The following ZNF385C variants were observed in gnomAD, a reference collection of about 807,000 sequenced individuals.
ZNF385C encodes the protein CTD-2132N18.2.
ZNF385C carries 28 observed loss-of-function variants against 35.4 expected under a neutral mutation model. That is an observed-to-expected ratio of 0.79 (90% CI 0.59 to 1.08). ZNF385C has a LOEUF of 1.08. ZNF385C is among the 50% of genes least tolerant of loss of function. The probability of loss-of-function intolerance (pLI) is 0.00; values close to 1 mark genes in which losing one functional copy is unlikely to be tolerated. For missense variants in ZNF385C, 605 were observed against 595.6 expected, an observed-to-expected ratio of 1.02 and a Z score of -0.16; for synonymous variants, 248 against 248.2, an observed-to-expected ratio of 1.00 and a Z score of 0.01.
intron 1 of ZNF385C, among the ~76,000 whole-genome samples, chr17:42,066,932 G>A (rs782771601): frequency 6.6e-6 from 1 of 152,152 alleles, no homozygotes; most frequent in Non-Finnish European, 1.5e-5. Context: ...AGCCAGGCGC[G>A]GTGGTGGGTG....
At chr17:42,080,800 A>G (rs1236125420) in intron 1 of ZNF385C, among the ~76,000 whole-genome samples, 2 of 152,196 alleles carry the variant, frequency 1.3e-5, no homozygotes, top group African/African-American at 4.8e-5. Context: ...TGTGCCCCCC[A>G]GGCCCACTGG....
At chr17:42,084,395 T>C (rs56799409) in intron 1 of ZNF385C, among the ~76,000 whole-genome samples, 15,105 of 151,986 alleles carry the variant, frequency 0.099, 937 homozygotes, top group African/African-American at 0.18. Flanking sequence ...GATTCTGTTT[T>C]GATGAAGTGT....
chr17:42,090,521 G>T (rs2053855536), intron 1 of ZNF385C, among the ~76,000 whole-genome samples: 1 of 151,476 alleles, frequency 6.6e-6, no homozygotes, highest in Non-Finnish European at 1.5e-5. Flanking sequence ...CTGACCCCAA[G>T]TGATCCACCC....
chr17:42,039,687 G>A (rs1461180355), intron 2 of ZNF385C: 2 of 1,232,174 alleles, frequency 1.6e-6, no homozygotes, highest in Non-Finnish European at 2.0e-6. Context: ...TGGATGGGCC[G>A]AGGGAAGGAG....
At chr17:42,079,683 AAAAG>A (rs879967634) in intron 1 of ZNF385C, among the ~76,000 whole-genome samples, 2 of 152,024 alleles carry the variant, frequency 1.3e-5, no homozygotes, top group African/African-American at 2.4e-5. Flanking sequence ...CCCCCCAAAA[AAAAG>A]AAAGAAGGAA....
rs1024140329 is a variant in ZNF385C, at chr17:42,062,927, G to A, written c.130C>T (p.Leu44Phe). 4 of 697,748 alleles carry A rather than the reference G, an allele frequency of 5.7e-6. No homozygotes were observed. The highest frequency in any genetic ancestry group is 5.4e-5 in the East Asian group (2 of 36,838). 43.2% of individuals were successfully genotyped at this position (697,748 alleles called of 1,614,324 possible). A position where few individuals can be genotyped will look rare whatever the true frequency, so the allele number is the denominator to read the frequency against. Residue 44 changes from leucine to phenylalanine, a missense_variant, in exon 2 of 9, where the codon CTC (leucine) becomes TTC (phenylalanine). Leu to Phe is a conservative substitution (Grantham distance 22, BLOSUM62 0). Transcript: ENST00000692273. Reference protein sequence around the residue: ...KRERKRPSYTLCDVCNIQLNS... With the variant: ...KRERKRPSYTFCDVCNIQLNS... ...AGCTGGATGTTGCAGACATCACAGA[G>A]CGTGTACGATGGCCGCTTTCTTTCT...
In ZNF385C at chr17:42,026,700, T is replaced by C. The variant is rs1598175969; in HGVS notation, c.*197A>G. 2 of 632,442 alleles carry C rather than the reference T, an allele frequency of 3.2e-6. No homozygotes were observed. The highest frequency in any genetic ancestry group is 5.5e-5 in the East Asian group (2 of 36,206). 39.2% of individuals were successfully genotyped at this position (632,442 alleles called of 1,614,324 possible). A position where few individuals can be genotyped will look rare whatever the true frequency, so the allele number is the denominator to read the frequency against. ...ATGCAGGCAAGCCTAGGATTAACCC[T>C]GGAAGGCCTGCGAAAGGAGGGTGGG... On this transcript the variant is annotated 3_prime_UTR_variant, in exon 9 of 9. Transcript: ENST00000692273.
chr17:42,026,675 A>G lies in ZNF385C; in HGVS notation c.*222T>C. On this transcript the variant is annotated 3_prime_UTR_variant, in exon 9 of 9. Coordinates refer to ENST00000692273, the MANE Select transcript of ZNF385C (RefSeq NM_001392013.1). ...TCTTTGGGGTCTGTCAGGGTGGGAA[A>G]TGCAGGCAAGCCTAGGATTAACCCT... 1.7e-6 allele frequency: 1 copy of G among 595,004 alleles called. No homozygotes were observed. The highest frequency in any genetic ancestry group is 2.0e-5 in the South Asian group (1 of 50,410). The allele number at this position is 595,004 out of a possible 1,614,324, so 36.9% of individuals were successfully genotyped here.
At chr17:42,082,543 G>A (rs538368665) in intron 1 of ZNF385C, among the ~76,000 whole-genome samples, 1 of 152,310 alleles carries the variant, frequency 6.6e-6, no homozygotes, top group South Asian at 2.1e-4. Context: ...TGCACTCTTG[G>A]CCTTGCCCTA....
chr17:42,087,907 T>C (rs1158245403), intron 1 of ZNF385C, among the ~76,000 whole-genome samples: 1 of 152,238 alleles, frequency 6.6e-6, no homozygotes, highest in African/African-American at 2.4e-5. Flanking sequence ...GAACCCCCAC[T>C]ACCTATATAT....
At chr17:42,067,381 T>C (rs2053563484) in intron 1 of ZNF385C, among the ~76,000 whole-genome samples, 2 of 152,152 alleles carry the variant, frequency 1.3e-5, no homozygotes, top group African/African-American at 2.4e-5. Context: ...GGTGTGGTCA[T>C]AAGTGCTTGG....
intron 1 of ZNF385C, among the ~76,000 whole-genome samples, chr17:42,069,419 G>A (rs2143888966): frequency 6.6e-6 from 1 of 152,304 alleles, no homozygotes; most frequent in South Asian, 2.1e-4. Flanking sequence ...CATCCAGAGA[G>A]GGCTGAATGG....
In ZNF385C at chr17:42,058,052, C is replaced by T. The variant is rs2053408035; in HGVS notation, c.250+4755G>A. 2.0e-5 allele frequency among the ~76,000 whole-genome samples: 3 copies of T among 152,120 alleles called. No homozygotes were observed. The South Asian group carries it at 6.2e-4, about 31-fold the overall frequency. On this transcript the variant is annotated intron_variant, in intron 2 of 8. Coordinates refer to ENST00000692273, the MANE Select transcript of ZNF385C (RefSeq NM_001392013.1). ...GAGGGAGACGAAGTGTGGGTTCCTG[C>T]TGCTTCCTCCTCCTGTGCCCCTCCA...
intron 2 of ZNF385C, among the ~76,000 whole-genome samples, chr17:42,058,917 A>G (rs4796632): frequency 0.78 from 119,369 of 152,168 alleles, 47,467 homozygotes; most frequent in Admixed American, 0.86. Flanking sequence ...TCGGCCTCCC[A>G]AAGTGTTGGG....
intron 1 of ZNF385C, among the ~76,000 whole-genome samples, chr17:42,063,700 T>C (rs2053500700): frequency 6.6e-6 from 1 of 152,086 alleles, no homozygotes; most frequent in African/African-American, 2.4e-5. Context: ...AGGTGGTCAC[T>C]GAGGGAGAGG....
chr17:42,042,075 C>T (rs2053035621), intron 2 of ZNF385C, among the ~76,000 whole-genome samples: 1 of 152,112 alleles, frequency 6.6e-6, no homozygotes, highest in African/African-American at 2.4e-5. Flanking sequence ...GCACAGAAAA[C>T]AGCCCCAAAA....
At chr17:42,055,895 G>A (rs1339164511) in intron 2 of ZNF385C, among the ~76,000 whole-genome samples, 2 of 152,124 alleles carry the variant, frequency 1.3e-5, no homozygotes, top group Non-Finnish European at 2.9e-5. Context: ...ATGCAGAGTA[G>A]GGGAGCCTAG....
Position 42,026,969 on chromosome 17 carries a change from G to A in ZNF385C, c.1440C>T (p.Gly480=), listed in dbSNP as rs141271549. 4,610 of 1,612,028 alleles carry A rather than the reference G, an allele frequency of 2.9e-3. 7 individuals are homozygous for A. Among genetic ancestry groups the A allele is most frequent in the Non-Finnish European group, 3.8e-3 (4,441 of 1,178,870 alleles). The part of the protein sequence containing the change: ...ATTLFPAPIL[G]PALFRTPAGA... Reference sequence around the variant, plus strand: ...CTGCTGGGGTGCGAAACAGAGCTGGGCCCAGGATGGGAGCCGGGAAGAGGG... The same window carrying A: ...CTGCTGGGGTGCGAAACAGAGCTGGACCCAGGATGGGAGCCGGGAAGAGGG... The change falls in exon 9 of 9, where the codon GGC becomes GGT. Residue 480 remains glycine (G), a synonymous_variant. Transcript: ENST00000692273.
rs368149454 is a variant in ZNF385C, at chr17:42,070,214, A to G, written c.-2-7156T>C. ...AAAAAAATTAGCCAGGCGTGGTGGC[A>G]GGTGCCTGTAGTCCCACTACTCAGG... On this transcript the variant is annotated intron_variant, in intron 1 of 8. Coordinates refer to ENST00000692273, the MANE Select transcript of ZNF385C (RefSeq NM_001392013.1). Among the ~76,000 whole-genome samples the G allele has an allele frequency of 6.6e-3, 995 of 151,406 alleles. 8 individuals carry two copies. Among genetic ancestry groups the G allele is most frequent in the Middle Eastern group, 0.032 (9 of 284 alleles).
Sources: gnomAD v4.1 joint callset for allele counts (sites outside exome capture counted in the v4.1 genomes callset) on GRCh38, gnomAD v4.1.1 for gene constraint, MANE v1.5 for transcripts, NCBI Gene and HGNC (gene_info 2026-07-23, HGNC 2026-07-21) for gene names.